The following CDH13 variants were observed in gnomAD, a reference collection of about 807,000 sequenced individuals.
CDH13 encodes cadherin-13.
CDH13 carries 24 observed loss-of-function variants against 63.8 expected under a neutral mutation model. The ratio of observed to expected loss-of-function variants is 0.38; its 90% CI spans 0.27 to 0.53. CDH13 has a LOEUF of 0.53. Among genes scored for constraint, CDH13 ranks in the 20% least tolerant of loss-of-function variants. The pLI is 0.85. For missense variants in CDH13, 1,049 were observed against 903.1 expected, an observed-to-expected ratio of 1.16 and a Z score of -2.07; for synonymous variants, 503 against 355.3, an observed-to-expected ratio of 1.42 and a Z score of -4.67.
chr16:83,253,035 C>G (rs1905773563), intron 5 of CDH13, among the ~76,000 whole-genome samples: 1 of 152,138 alleles, frequency 6.6e-6, no homozygotes, highest in Non-Finnish European at 1.5e-5. Context: ...GTGCCAAACC[C>G]TTAGCACAGC....
At chr16:82,867,534 A>T (rs1353560490) in intron 2 of CDH13, among the ~76,000 whole-genome samples, 1 of 152,174 alleles carries the variant, frequency 6.6e-6, no homozygotes, top group Non-Finnish European at 1.5e-5. Context: ...CCAAGACGTT[A>T]CTTGGTCATG....
At chr16:83,032,519 C>G (rs1349947037) in intron 3 of CDH13, among the ~76,000 whole-genome samples, 1 of 152,086 alleles carries the variant, frequency 6.6e-6, no homozygotes, top group African/African-American at 2.4e-5. Context: ...TCTCGTGGCT[C>G]CATTTTCCTT....
intron 7 of CDH13, among the ~76,000 whole-genome samples, chr16:83,530,275 A>G (rs759852051): frequency 1.3e-5 from 2 of 152,196 alleles, no homozygotes; most frequent in Non-Finnish European, 2.9e-5. Context: ...GTGCACTGTA[A>G]AGTCAGTCTC....
At chr16:82,926,233 A>G (rs1485657821) in intron 2 of CDH13, among the ~76,000 whole-genome samples, 2 of 151,916 alleles carry the variant, frequency 1.3e-5, no homozygotes, top group Non-Finnish European at 2.9e-5. Context: ...AGCACCCTAG[A>G]CAATATTTAA....
intron 6 of CDH13, among the ~76,000 whole-genome samples, chr16:83,427,606 G>T (rs1360686041): frequency 2.6e-5 from 4 of 152,164 alleles, no homozygotes; most frequent in African/African-American, 4.8e-5. Context: ...GCAGCTGCAA[G>T]AGACTCATAT....
intron 11 of CDH13, among the ~76,000 whole-genome samples, chr16:83,754,814 C>G (rs1231414476): frequency 6.6e-6 from 1 of 152,128 alleles, no homozygotes; most frequent in Non-Finnish European, 1.5e-5. Flanking sequence ...ATTGCCCAGT[C>G]TCTGGTATGT....
At chr16:83,365,467 G>T (rs9923619) in intron 6 of CDH13, among the ~76,000 whole-genome samples, 1 of 152,024 alleles carries the variant, frequency 6.6e-6, no homozygotes, top group South Asian at 2.1e-4. Context: ...TTACCCCATG[G>T]TCAGCTGAGT....
At chr16:83,708,709 T>G (rs1907534492) in intron 10 of CDH13, among the ~76,000 whole-genome samples, 1 of 152,132 alleles carries the variant, frequency 6.6e-6, no homozygotes, top group South Asian at 2.1e-4. Context: ...ATACACCCAT[T>G]TTCACCATAA....
chr16:82,876,225 T>A lies in CDH13; in HGVS notation c.157+17752T>A, dbSNP rs146962504. Among the ~76,000 whole-genome samples the A allele has an allele frequency of 3.2e-3, 489 of 152,340 alleles. 3 individuals are homozygous for A. The highest frequency in any genetic ancestry group is 0.011 in the African/African-American group (439 of 41,580). On this transcript the variant is annotated intron_variant, in intron 2 of 13. Transcript: ENST00000567109. ...TCATGTCCTACAGGACAAAAAACTG[T>A]AACCTCTGTGGTTATCTTTTCTACC... is the stretch of plus-strand genomic sequence containing the variant.
chr16:83,725,905 C>G (rs1317293268), intron 10 of CDH13: 1 of 152,198 alleles, frequency 6.6e-6, no homozygotes, highest in Non-Finnish European at 1.5e-5. Flanking sequence ...TGTACAAATC[C>G]TGCATTTGCA....
At chr16:83,588,060 C>T (rs1000461303) in intron 7 of CDH13, among the ~76,000 whole-genome samples, 2 of 152,088 alleles carry the variant, frequency 1.3e-5, no homozygotes, top group African/African-American at 4.8e-5. Context: ...TGTGGCTGGC[C>T]TAGGGCTGAG....
At chr16:83,374,666 G>T (rs2091429767) in intron 6 of CDH13, among the ~76,000 whole-genome samples, 1 of 152,204 alleles carries the variant, frequency 6.6e-6, no homozygotes. Context: ...AAAGTACCTT[G>T]CGCTGTGTGT....
chr16:83,280,456 T>A (rs757938148), intron 5 of CDH13, among the ~76,000 whole-genome samples: 1 of 152,222 alleles, frequency 6.6e-6, no homozygotes, highest in African/African-American at 2.4e-5. Flanking sequence ...TCGTACTGTT[T>A]CCATCACATC....
chr16:82,921,096 T>C (rs2042139728), intron 2 of CDH13, among the ~76,000 whole-genome samples: 1 of 152,214 alleles, frequency 6.6e-6, no homozygotes, highest in Admixed American at 6.5e-5. Flanking sequence ...TTGGTTATTT[T>C]CCTTGAGGTG....
intron 6 of CDH13, among the ~76,000 whole-genome samples, chr16:83,357,120 G>C (rs911997711): frequency 1.3e-5 from 2 of 152,110 alleles, no homozygotes; most frequent in Non-Finnish European, 2.9e-5. Context: ...AAAAAGGCCT[G>C]CTTTTCAGAA....
intron 1 of CDH13, among the ~76,000 whole-genome samples, chr16:82,725,312 T>G (rs147707788): frequency 6.6e-6 from 1 of 152,196 alleles, no homozygotes; most frequent in Non-Finnish European, 1.5e-5. Flanking sequence ...CAAACCAGGT[T>G]TGTGGCCTTG....
chr16:83,272,420 C>T (rs2088852543), intron 5 of CDH13, among the ~76,000 whole-genome samples: 1 of 152,192 alleles, frequency 6.6e-6, no homozygotes, highest in African/African-American at 2.4e-5. Flanking sequence ...TTGGATCATG[C>T]CTCACATATC....
At chr16:82,789,523 G>T (rs865839396) in intron 1 of CDH13, among the ~76,000 whole-genome samples, 3 of 152,164 alleles carry the variant, frequency 2.0e-5, no homozygotes, top group Non-Finnish European at 2.9e-5. Context: ...TTGTTTTCCA[G>T]TTTTATAATG....
intron 1 of CDH13, among the ~76,000 whole-genome samples, chr16:82,804,657 A>G (rs1259211398): frequency 1.3e-5 from 2 of 152,122 alleles, no homozygotes; most frequent in African/African-American, 4.8e-5. Flanking sequence ...TATGTATGAA[A>G]CACCACAGTC....
Sources: gnomAD v4.1 joint callset for allele counts (sites outside exome capture counted in the v4.1 genomes callset) on GRCh38, gnomAD v4.1.1 for gene constraint, MANE v1.5 for transcripts, NCBI Gene and HGNC (gene_info 2026-07-23, HGNC 2026-07-21) for gene names.